The following DNMT3A variants were observed in gnomAD, a reference collection of about 807,000 sequenced individuals.
DNMT3A encodes the protein DNA methyltransferase 3 alpha.
DNMT3A carries 267 observed loss-of-function variants against 117.6 expected under a neutral mutation model. That is an observed-to-expected ratio of 2.27 (90% CI 2.05 to 2.51). The LOEUF is 2.51. Among genes scored for constraint, DNMT3A ranks in the 30% most tolerant of loss-of-function variants. The probability of loss-of-function intolerance (pLI) is 0.00; values close to 1 mark genes in which losing one functional copy is unlikely to be tolerated. For missense variants in DNMT3A, 1,029 were observed against 1,260.2 expected (o/e 0.82, Z 2.78); for synonymous variants, 432 against 474.8 (o/e 0.91, Z 1.17).
intron 2 of DNMT3A, among the ~76,000 whole-genome samples, chr2:25,308,380 T>C (rs897609007): frequency 1.3e-5 from 2 of 152,158 alleles, no homozygotes. Flanking sequence ...CAGGCCCTTC[T>C]GCAGGGGCCA....
chr2:25,256,422 C>T (rs954701466), intron 6 of DNMT3A, among the ~76,000 whole-genome samples: 28 of 152,176 alleles, frequency 1.8e-4, no homozygotes, highest in East Asian at 1.9e-4. Context: ...TACACCAGTC[C>T]GCCAGTGACC....
At chr2:25,256,407 C>A (rs1030304221) in intron 6 of DNMT3A, among the ~76,000 whole-genome samples, 4 of 152,316 alleles carry the variant, frequency 2.6e-5, no homozygotes, top group Non-Finnish European at 5.9e-5. Context: ...CCCTGCATAT[C>A]CTTCTACACC....
rs1484334442 is a variant in DNMT3A, at chr2:25,236,039, G to A, written c.2479-214C>T. Among the ~76,000 whole-genome samples, 1 of 151,762 alleles carries A rather than the reference G, an allele frequency of 6.6e-6. No homozygotes were observed. Among genetic ancestry groups the A allele is most frequent in the African/African-American group, 2.4e-5 (1 of 41,312 alleles). On this transcript the variant is annotated intron_variant, in intron 21 of 22. Transcript: ENST00000321117. This position sits in a 1 kb window ranked among gnomAD's most constrained non-coding sequence, Gnocchi z 4.5. Reference sequence around the variant, plus strand: ...TTTCTTCCTACTTGGAGGTCACCTGGCCAATCTTAGATCCATCTAGCCACA... The same window carrying A: ...TTTCTTCCTACTTGGAGGTCACCTGACCAATCTTAGATCCATCTAGCCACA...
Position 25,234,991 on chromosome 2 carries a change from C to A in DNMT3A, c.2598-571G>T, listed in dbSNP as rs1673191411. Among the ~76,000 whole-genome samples, 1 of 152,134 alleles carries A rather than the reference C, an allele frequency of 6.6e-6. No homozygotes were observed. Among genetic ancestry groups the A allele is most frequent in the African/African-American group, 2.4e-5 (1 of 41,426 alleles). On this transcript the variant is annotated intron_variant, in intron 22 of 22. Coordinates refer to ENST00000321117, the MANE Select transcript of DNMT3A (RefSeq NM_022552.5). The surrounding 1 kb of genome is among the most constrained non-coding windows in gnomAD (Gnocchi z 4.5). ...TACACTCAGAGAACAAGAAGGTCAT[C>A]CAGCCCCGAAAGTCCCATTTGCATC...
At chr2:25,240,471 G>A in intron 18 of DNMT3A, 21 bp from the exon 19 acceptor site, 1 of 1,593,632 alleles carries the variant, frequency 6.3e-7, no homozygotes, top group Middle Eastern at 1.8e-4. Context: ...GGAAGAGAAA[G>A]CCATCAGCTG....
chr2:25,321,125 C>G lies in DNMT3A; in HGVS notation c.-177-6964G>C, dbSNP rs189839484. On this transcript the variant is annotated intron_variant, in intron 1 of 22. Transcript: ENST00000321117. ...TCCACCCTGGGCAACAAAAGCGAAA[C>G]TCCGTCTCAAAAAAAAAAATTATCT... is the stretch of plus-strand genomic sequence containing the variant. Among the ~76,000 whole-genome samples, 60 of 151,048 alleles carry G rather than the reference C, an allele frequency of 4.0e-4. 1 individual carries two copies. Among genetic ancestry groups the G allele is most frequent in the South Asian group, 2.1e-3 (10 of 4,796 alleles).
rs986278201 is a variant in DNMT3A, at chr2:25,278,003, A to T, written c.449-2460T>A. On this transcript the variant is annotated intron_variant, in intron 4 of 22. Coordinates refer to ENST00000321117, the MANE Select transcript of DNMT3A (RefSeq NM_022552.5). ...TCTGCGCATGCCCACTTGAGTGATC[A>T]CACACACACACACACACACACACAC... Among the ~76,000 whole-genome samples, 11 of 71,410 alleles carry T rather than the reference A, an allele frequency of 1.5e-4. No individual in the cohort carries two copies. In the East Asian group the frequency reaches 2.2e-3, roughly 14 times the overall value. 46.8% of individuals were successfully genotyped at this position (71,410 alleles called of 152,430 possible).
At position 25,339,412 on chromosome 2, in the gene DNMT3A, C is replaced by T. The variant is rs542119743; in HGVS notation, c.-178+2414G>A. ...AATTCACCTTTCTTAGGGTCAGTCTCCTATGGAAGGCACTGGTGCCTGGGT... is the reference window on the plus strand; with the variant it reads ...AATTCACCTTTCTTAGGGTCAGTCTTCTATGGAAGGCACTGGTGCCTGGGT... On this transcript the variant is annotated intron_variant, in intron 1 of 22. Transcript: ENST00000321117. The surrounding 1 kb of genome is among the most constrained non-coding windows in gnomAD (Gnocchi z 4.9). Among the ~76,000 whole-genome samples the T allele has an allele frequency of 8.5e-5, 13 of 152,294 alleles. No homozygotes were observed. The South Asian group carries it at 1.0e-3, about 12-fold the overall frequency.
At chr2:25,278,804 C>T (rs1215342669) in intron 4 of DNMT3A, among the ~76,000 whole-genome samples, 3 of 151,468 alleles carry the variant, frequency 2.0e-5, no homozygotes, top group South Asian at 2.1e-4. Flanking sequence ...CCAGCCTGAG[C>T]GACAGAGTGA....
Position 25,230,123 on chromosome 2 carries a change from G to A in DNMT3A, c.*4156C>T, listed in dbSNP as rs966969200. The A allele has an allele frequency of 6.6e-6, 1 of 152,242 alleles. No individual in the cohort carries two copies. Among genetic ancestry groups the A allele is most frequent in the Non-Finnish European group, 1.5e-5 (1 of 68,048 alleles). 9.4% of individuals were successfully genotyped at this position (152,242 alleles called of 1,614,324 possible). A position where few individuals can be genotyped will look rare whatever the true frequency, so the allele number is the denominator to read the frequency against. ...CAGGTCCCGGGTGCTCTCTTGGAAA[G>A]TTTGCTTTCCAATAGGATGTTCAAT... On this transcript the variant is annotated 3_prime_UTR_variant, in exon 23 of 23. Transcript: ENST00000321117.
intron 6 of DNMT3A, among the ~76,000 whole-genome samples, chr2:25,273,250 A>G (rs2031096419): frequency 6.6e-6 from 1 of 152,128 alleles, no homozygotes; most frequent in Admixed American, 6.5e-5. Flanking sequence ...TGCTGGGATT[A>G]CAGGCATGAG....
chr2:25,271,377 C>A (rs1220949795), intron 6 of DNMT3A, among the ~76,000 whole-genome samples: 3 of 152,136 alleles, frequency 2.0e-5, no homozygotes, highest in Admixed American at 6.5e-5. Context: ...AGAAAACAGG[C>A]CTGATAGCAA....
chr2:25,243,568 T>C (rs910986565), intron 16 of DNMT3A, among the ~76,000 whole-genome samples: 3 of 152,246 alleles, frequency 2.0e-5, no homozygotes, highest in Admixed American at 6.5e-5. Flanking sequence ...ACTGTGTATG[T>C]TTCTGTCTTG....
At chr2:25,320,524 A>G (rs1298206242) in intron 1 of DNMT3A, among the ~76,000 whole-genome samples, 1 of 152,240 alleles carries the variant, frequency 6.6e-6, no homozygotes, top group Non-Finnish European at 1.5e-5. Context: ...AAAAAGAAAA[A>G]GAAGTCCTAA....
chr2:25,335,149 A>C (rs2035161632), intron 1 of DNMT3A, among the ~76,000 whole-genome samples: 1 of 151,654 alleles, frequency 6.6e-6, no homozygotes, highest in Admixed American at 6.6e-5. Flanking sequence ...TTTTTTTTTT[A>C]ACCACAACAC....
chr2:25,320,480 A>G (rs2034548555), intron 1 of DNMT3A, among the ~76,000 whole-genome samples: 1 of 152,218 alleles, frequency 6.6e-6, no homozygotes, highest in African/African-American at 2.4e-5. Context: ...TACCCCATAG[A>G]GATGCACAAT....
At position 25,286,896 on chromosome 2, in the gene DNMT3A, T is replaced by C. The variant is rs1272961330; in HGVS notation, c.178-4185A>G. On this transcript the variant is annotated intron_variant, in intron 3 of 22. Transcript: ENST00000321117. The surrounding 1 kb of genome is among the most constrained non-coding windows in gnomAD (Gnocchi z 4.3). ...CACTCTCCTCCCCTCCTTTCCCCTG[T>C]CTCCACAGCTTGTTGACCTCTGGAG... 6.6e-6 allele frequency among the ~76,000 whole-genome samples: 1 copy of C among 152,186 alleles called. No homozygotes were observed. Among genetic ancestry groups the C allele is most frequent in the East Asian group, 1.9e-4 (1 of 5,192 alleles).
intron 3 of DNMT3A, among the ~76,000 whole-genome samples, chr2:25,283,294 A>G (rs1229539719): frequency 2.0e-5 from 3 of 148,524 alleles, no homozygotes; most frequent in Non-Finnish European, 4.5e-5. Flanking sequence ...CCTGGGAGGC[A>G]GAGTTTGCGG....
intron 17 of DNMT3A, 122 bp from the exon 18 acceptor site, chr2:25,240,852 C>G (rs1190978701): frequency 1.1e-6 from 1 of 929,066 alleles, no homozygotes; most frequent in Admixed American, 2.2e-5. Context: ...GGAGACCCAG[C>G]TGCTCTGCAG....
Sources: allele counts gnomAD v4.1 joint callset (sites outside exome capture counted in the v4.1 genomes callset), GRCh38; gene constraint gnomAD v4.1.1; non-coding constraint Gnocchi (gnomAD v3.1); transcripts MANE v1.5; gene names NCBI Gene and HGNC (gene_info 2026-07-23, HGNC 2026-07-21).